HUWE1: variants seen among roughly 807,000 people sequenced by gnomAD.
HUWE1 encodes the protein HECT, UBA and WWE domain containing E3 ubiquitin protein ligase 1, also known as E3 ubiquitin-protein ligase HUWE1.
Under a neutral mutation model 299.4 loss-of-function variants are expected in HUWE1, and 18 were observed. That is an observed-to-expected ratio of 0.06 (90% CI 0.04 to 0.09). The LOEUF (loss-of-function observed/expected upper bound fraction) is 0.09, where lower values mean the gene tolerates loss of function less well. Among genes scored for constraint, HUWE1 ranks in the 10% least tolerant of loss-of-function variants. The pLI, the probability that HUWE1 is intolerant of heterozygous loss-of-function variation, is 1.00. For synonymous variants in HUWE1, 1,317 were observed against 1,286.1 expected, an observed-to-expected ratio of 1.02 and a Z score of -0.51; for missense variants, 1,832 against 3,462.3, an observed-to-expected ratio of 0.53 and a Z score of 11.82.
chrX:53,603,141 G>A (rs1341965713), intron 27 of HUWE1, among the ~76,000 whole-genome samples: 5 of 111,671 alleles, frequency 4.5e-5, no homozygotes, highest in Admixed American at 2.8e-4. Flanking sequence ...GTGAGCCACC[G>A]TGTCCAGCCA....
chrX:53,600,095 T>C, intron 29 of HUWE1, 23 bp downstream of exon 29: 1 of 1,183,008 alleles, frequency 8.5e-7, no homozygotes, highest in East Asian at 3.0e-5. Context: ...CCAGAAAAGG[T>C]AGGAGAAAGG....
chrX:53,622,539 G>A (rs1362380342), intron 19 of HUWE1, among the ~76,000 whole-genome samples: 1 of 111,226 alleles, frequency 9.0e-6, no homozygotes, highest in Non-Finnish European at 1.9e-5. Flanking sequence ...CTGTAACACA[G>A]ACTCAACTCA....
At chrX:53,658,591 A>G (rs1311876013) in intron 3 of HUWE1, among the ~76,000 whole-genome samples, 2 of 111,969 alleles carry the variant, frequency 1.8e-5, no homozygotes, top group African/African-American at 6.5e-5. Flanking sequence ...TTGACAAAGA[A>G]GCAAAGTCAA....
At chrX:53,584,737 G>C (rs938880212) in intron 40 of HUWE1, among the ~76,000 whole-genome samples, 6 of 111,668 alleles carry the variant, frequency 5.4e-5, no homozygotes, top group African/African-American at 2.0e-4. Context: ...TAACACGTTA[G>C]GAATGCTGGT....
intron 53 of HUWE1, among the ~76,000 whole-genome samples, 154 bp from the exon 54 acceptor site, chrX:53,562,398 A>C (rs1185027605): frequency 9.0e-6 from 1 of 111,063 alleles, no homozygotes; most frequent in East Asian, 2.8e-4. Flanking sequence ...AGTGAGCCAG[A>C]CCCGATTTCC....
In HUWE1 at chrX:53,589,614, A is replaced by C. The variant is rs781965774; in HGVS notation, c.4394T>G (p.Ile1465Ser). 2.5e-6 allele frequency: 3 copies of C among 1,210,774 alleles called. No individual in the cohort carries two copies. The highest frequency in any genetic ancestry group is 2.3e-4 in the Middle Eastern group (1 of 4,352). ...TCCATTACGTTTGATTGCTGTCATG[A>C]TCAGGTCACACACACGGTATACTGT... ...PDTVYRVCDL[I>S]MTAIKRNGAD... The change falls in exon 36 of 84, where the codon ATC (isoleucine) becomes AGC (serine). Residue 1465 changes from isoleucine (I) to serine (S), a missense_variant. Coordinates refer to ENST00000262854, the MANE Select transcript of HUWE1 (RefSeq NM_031407.7).
intron 56 of HUWE1, 82 bp from the exon 57 acceptor site, chrX:53,559,614 C>T: frequency 8.6e-6 from 7 of 809,350 alleles, no homozygotes; most frequent in Non-Finnish European, 1.3e-5. Context: ...CCTCTTCATG[C>T]ATCCTCTATT....
chrX:53,625,274 G>A lies in HUWE1; in HGVS notation c.1490-16C>T, dbSNP rs1557016066. On this transcript the variant is annotated splice_polypyrimidine_tract_variant and intron_variant, in intron 17 of 83. Coordinates refer to ENST00000262854, the MANE Select transcript of HUWE1 (RefSeq NM_031407.7). The stretch of plus-strand genomic sequence containing the variant: ...CACTGGACTCCTGGCAATGAAGAAA[G>A]ACAAAAGAATTATGCTGAGTTCGCC... 8.2e-6 allele frequency: 9 copies of A among 1,098,659 alleles called. No individual in the cohort carries two copies. The highest frequency in any genetic ancestry group is 1.8e-5 in the African/African-American group (1 of 55,084). 90.5% of individuals were successfully genotyped at this position (1,098,659 alleles called of 1,213,427 possible).
At position 53,585,296 on chromosome X, in the gene HUWE1, T is replaced by C. The variant is rs1283403427; in HGVS notation, c.4825-108A>G. ...AAAACTCACCCAGGAAAAAGAAATA[T>C]ACTGGACAATAAATTTTAAAAACCA... On this transcript the variant is annotated intron_variant, in intron 39 of 83. Transcript: ENST00000262854. The C allele has an allele frequency of 3.0e-5, 23 of 761,400 alleles. No individual in the cohort carries two copies. In the East Asian group the frequency reaches 4.8e-4, roughly 16 times the overall value. 62.7% of individuals were successfully genotyped at this position (761,400 alleles called of 1,213,427 possible). A position where few individuals can be genotyped will look rare whatever the true frequency, so the allele number is the denominator to read the frequency against.
At chrX:53,599,373 T>C (rs1202081165) in intron 29 of HUWE1, among the ~76,000 whole-genome samples, 1 of 112,210 alleles carries the variant, frequency 8.9e-6, no homozygotes, top group African/African-American at 3.2e-5. Context: ...ATTTTCTGTT[T>C]GCTTTTACGA....
chrX:53,676,441 G>T (rs913901349), intron 3 of HUWE1, among the ~76,000 whole-genome samples: 1 of 111,853 alleles, frequency 8.9e-6, no homozygotes, highest in Non-Finnish European at 1.9e-5. Context: ...TAAAAAGGTA[G>T]AGAAGAATGA....
chrX:53,550,662 G>C lies in HUWE1; in HGVS notation c.9488+4C>G, dbSNP rs782712961. ...TATGGTAAGGTAAAAATAGACAAAG[G>C]TACCTGTTATGGCTGCTGCTACCCC... is the stretch of plus-strand genomic sequence containing the variant. On this transcript the variant is annotated splice_donor_region_variant and intron_variant, in intron 66 of 83. Coordinates refer to ENST00000262854, the MANE Select transcript of HUWE1 (RefSeq NM_031407.7). 8 of 1,200,751 alleles carry C rather than the reference G, an allele frequency of 6.7e-6. No individual in the cohort carries two copies. Among genetic ancestry groups the C allele is most frequent in the Non-Finnish European group, 9.0e-6 (8 of 887,496 alleles).
chrX:53,676,979 A>G (rs2069852210), intron 3 of HUWE1, among the ~76,000 whole-genome samples: 2 of 110,942 alleles, frequency 1.8e-5, no homozygotes, highest in African/African-American at 6.6e-5. Flanking sequence ...TGAAAACAAA[A>G]TGATAGCATC....
intron 7 of HUWE1, among the ~76,000 whole-genome samples, chrX:53,643,840 C>CA (rs1569507095): frequency 8.9e-6 from 1 of 111,893 alleles, no homozygotes; most frequent in African/African-American, 3.2e-5. Context: ...TTTTTAGAGA[C>CA]AGAGTCTCGG....
rs1602523993 is a variant in HUWE1, at chrX:53,541,091, G to A, written c.11477-1279C>T. On this transcript the variant is annotated intron_variant, in intron 74 of 83. Transcript: ENST00000262854. ...TATTCCATGGGAATGTGTTATGAGG[G>A]TGCCAAAATGTATTCTATGTATGAC... Among the ~76,000 whole-genome samples the A allele has an allele frequency of 3.6e-5, 4 of 112,234 alleles. No individual in the cohort carries two copies. The Admixed American group carries it at 3.8e-4, about 11-fold the overall frequency.
intron 2 of HUWE1, among the ~76,000 whole-genome samples, chrX:53,686,014 A>T: frequency 8.9e-6 from 1 of 112,436 alleles, no homozygotes; most frequent in South Asian, 3.6e-4. Flanking sequence ...GGATTCCCGG[A>T]TATAAGAAGA....
intron 27 of HUWE1, 91 bp from the exon 28 acceptor site, chrX:53,602,749 T>A (rs782529391): frequency 5.9e-6 from 3 of 505,214 alleles, no homozygotes; most frequent in Non-Finnish European, 1.0e-5. Flanking sequence ...CTAATTTGCT[T>A]GGCTGACACT....
intron 7 of HUWE1, among the ~76,000 whole-genome samples, chrX:53,636,142 C>A (rs1329513280): frequency 8.9e-6 from 1 of 112,191 alleles, no homozygotes; most frequent in Non-Finnish European, 1.9e-5. Flanking sequence ...GCTTACTTCT[C>A]TAGTGAAAAC....
intron 81 of HUWE1, 21 bp from the exon 82 acceptor site, chrX:53,534,718 C>A: frequency 8.3e-7 from 1 of 1,198,389 alleles, no homozygotes; most frequent in Non-Finnish European, 1.1e-6. Context: ...AACCAAAAAG[C>A]CAAATGACTT....
Sources: gnomAD v4.1 joint callset for allele counts (sites outside exome capture counted in the v4.1 genomes callset) on GRCh38, gnomAD v4.1.1 for gene constraint, MANE v1.5 for transcripts, NCBI Gene and HGNC (gene_info 2026-07-23, HGNC 2026-07-21) for gene names.